Variants in RGS8 observed in about 807,000 individuals in gnomAD.
The protein encoded by RGS8 is regulator of G-protein signaling 8.
In RGS8, 8 loss-of-function variants were observed where a neutral mutation model predicts 21.7. That is an observed-to-expected ratio of 0.37 (90% CI 0.22 to 0.66). The LOEUF (loss-of-function observed/expected upper bound fraction) is 0.66, where lower values mean the gene tolerates loss of function less well. Ranked by LOEUF, RGS8 falls within the 30% of genes least tolerant of loss-of-function variation. RGS8 has a pLI of 0.59. For missense variants in RGS8, 157 were observed against 217.9 expected (o/e 0.72, Z 1.76); for synonymous variants, 80 against 83.6 (o/e 0.96, Z 0.24).
At chr1:182,668,682 T>C (rs1304293234) in intron 3 of RGS8, among the ~76,000 whole-genome samples, 1 of 152,216 alleles carries the variant, frequency 6.6e-6, no homozygotes, top group Non-Finnish European at 1.5e-5. Context: ...CCACCTTGAA[T>C]CTCAGCCAGG....
At chr1:182,646,229 G>A (rs1242487143) in exon 7 of RGS8, 2 of 152,698 alleles carry the variant, frequency 1.3e-5, no homozygotes, top group Non-Finnish European at 2.9e-5. Context: ...CTAGAAACCT[G>A]GAATTCCACA....
the RGS8 span, among the ~76,000 whole-genome samples, chr1:182,729,284 G>C: frequency 6.6e-6 from 1 of 152,190 alleles, no homozygotes; most frequent in African/African-American, 2.4e-5. Context: ...GGTCTGGACT[G>C]GTGAATTCTA....
intron 3 of RGS8, among the ~76,000 whole-genome samples, chr1:182,669,081 A>T (rs760970536): frequency 6.6e-5 from 10 of 152,244 alleles, no homozygotes; most frequent in Non-Finnish European, 1.3e-4. Flanking sequence ...CTTGTTACCA[A>T]GACAACTGTG....
intron 5 of RGS8, among the ~76,000 whole-genome samples, chr1:182,653,091 A>G (rs548180082): frequency 2.2e-4 from 34 of 152,358 alleles, no homozygotes; most frequent in African/African-American, 7.5e-4. Context: ...GCAGCACTAC[A>G]AAAGACCAGG....
At chr1:182,695,528 C>A in the RGS8 span, among the ~76,000 whole-genome samples, 1 of 152,158 alleles carries the variant, frequency 6.6e-6, no homozygotes, top group Non-Finnish European at 1.5e-5. Context: ...TCCTATGTTG[C>A]CCAGGCTGGA....
chr1:182,715,737 G>A, the RGS8 span, among the ~76,000 whole-genome samples: 1 of 152,194 alleles, frequency 6.6e-6, no homozygotes, highest in African/African-American at 2.4e-5. Flanking sequence ...AGCCAAGCCT[G>A]CCAGGTGTCT....
chr1:182,720,160 C>CTTGT, the RGS8 span, among the ~76,000 whole-genome samples: 7 of 152,196 alleles, frequency 4.6e-5, no homozygotes, highest in East Asian at 1.9e-4. Flanking sequence ...AAAGTCTTCT[C>CTTGT]TTGTTTGTTT....
intron 2 of RGS8, 135 bp from the exon 4 acceptor site, chr1:182,669,887 C>T: frequency 9.9e-7 from 1 of 1,011,132 alleles, no homozygotes; most frequent in Non-Finnish European, 1.4e-6. Flanking sequence ...GTCCACTTGT[C>T]CTTAGCAGGG....
At chr1:182,668,443 G>A (rs539977014) in intron 3 of RGS8, among the ~76,000 whole-genome samples, 32 of 152,328 alleles carry the variant, frequency 2.1e-4, no homozygotes, top group African/African-American at 7.0e-4. Context: ...CTTAGAGGTC[G>A]TCCAATTCAA....
chr1:182,721,055 A>G, the RGS8 span, among the ~76,000 whole-genome samples: 1 of 99,950 alleles, frequency 1.0e-5, no homozygotes, highest in African/African-American at 4.6e-5. Flanking sequence ...ACATACATAT[A>G]TATGTGTGTA....
the RGS8 span, among the ~76,000 whole-genome samples, chr1:182,711,861 T>C: frequency 1.3e-5 from 2 of 152,164 alleles, no homozygotes; most frequent in Non-Finnish European, 2.9e-5. Flanking sequence ...TTAATCTCTG[T>C]TTTCCTCCTT....
the RGS8 span, among the ~76,000 whole-genome samples, chr1:182,742,753 C>T: frequency 1.9e-3 from 284 of 151,532 alleles, 1 homozygote; most frequent in African/African-American, 6.4e-3. Context: ...GGGAGAGGGA[C>T]AGGGACAGGG....
chr1:182,719,463 T>TC, the RGS8 span, among the ~76,000 whole-genome samples: 1 of 143,352 alleles, frequency 7.0e-6, no homozygotes, highest in African/African-American at 2.7e-5. Flanking sequence ...TCTTTCTTCT[T>TC]TTTTTTTTTT....
chr1:182,659,163 C>T (rs1663454211), intron 5 of RGS8, among the ~76,000 whole-genome samples: 1 of 152,128 alleles, frequency 6.6e-6, no homozygotes, highest in Non-Finnish European at 1.5e-5. Flanking sequence ...GCTTCTTATT[C>T]TTAGGATGTG....
At chr1:182,696,024 T>G in the RGS8 span, among the ~76,000 whole-genome samples, 8 of 152,208 alleles carry the variant, frequency 5.3e-5, no homozygotes, top group Admixed American at 5.2e-4. Context: ...GAGGATTTAT[T>G]AATTTAATTA....
the RGS8 span, among the ~76,000 whole-genome samples, chr1:182,722,793 G>A: frequency 3.9e-5 from 6 of 151,946 alleles, no homozygotes; most frequent in Admixed American, 6.6e-5. Context: ...TGGCTAACAC[G>A]GTGAAACCCC....
the RGS8 span, among the ~76,000 whole-genome samples, chr1:182,703,123 A>C: frequency 1.3e-5 from 2 of 152,190 alleles, no homozygotes; most frequent in African/African-American, 4.8e-5. Context: ...GTCTTATCTG[A>C]GTAAATAATC....
the RGS8 span, among the ~76,000 whole-genome samples, chr1:182,733,446 CTT>C: frequency 1.0e-3 from 153 of 152,270 alleles, no homozygotes; most frequent in Non-Finnish European, 1.6e-3. Flanking sequence ...TATCAAGTGA[CTT>C]ATGAAATTTT....
the RGS8 span, among the ~76,000 whole-genome samples, chr1:182,719,058 A>G: frequency 7.9e-5 from 12 of 152,124 alleles, no homozygotes; most frequent in Admixed American, 2.6e-4. Flanking sequence ...AATGACTGAA[A>G]TCTTCCCATG....
Sources: allele counts gnomAD v4.1 joint callset (sites outside exome capture counted in the v4.1 genomes callset), GRCh38; gene constraint gnomAD v4.1.1; transcripts MANE v1.5; gene names NCBI Gene and HGNC (gene_info 2026-07-23, HGNC 2026-07-21).